FMN1: variants seen among roughly 807,000 people sequenced by gnomAD.
The protein encoded by FMN1 is formin-1.
FMN1 carries 110 observed loss-of-function variants against 132.4 expected under a neutral mutation model. That is an observed-to-expected ratio of 0.83 (90% CI 0.71 to 0.97). FMN1 has a LOEUF of 0.97. FMN1 is among the 50% of genes least tolerant of loss of function. The pLI is 0.00. For missense variants in FMN1, 1,792 were observed against 1,705.3 expected (o/e 1.05, Z -0.90); for synonymous variants, 722 against 651.7 (o/e 1.11, Z -1.64).
At chr15:33,095,679 ATAT>A (rs1256704358) in intron 4 of FMN1, among the ~76,000 whole-genome samples, 1 of 152,160 alleles carries the variant, frequency 6.6e-6, no homozygotes, top group African/African-American at 2.4e-5. Flanking sequence ...GGCCCCAAAA[ATAT>A]TATTGAAGAA....
intron 19 of FMN1, among the ~76,000 whole-genome samples, chr15:32,777,613 C>CAT (rs10672366): frequency 3.9e-3 from 90 of 23,036 alleles, no homozygotes; most frequent in African/African-American, 8.8e-3. Context: ...TTACGTATAA[C>CAT]ATAACACATT....
At chr15:32,945,673 G>A (rs1424492279) in intron 9 of FMN1, among the ~76,000 whole-genome samples, 4 of 152,090 alleles carry the variant, frequency 2.6e-5, no homozygotes, top group Non-Finnish European at 4.4e-5. Context: ...GATAATCATT[G>A]CATTCAAGAT....
intron 16 of FMN1, among the ~76,000 whole-genome samples, chr15:32,879,332 T>C (rs971517897): frequency 2.6e-5 from 4 of 152,350 alleles, no homozygotes; most frequent in Non-Finnish European, 4.4e-5. Flanking sequence ...TCCAGTCTCG[T>C]ACCAGAGCTC....
rs2031553852 is a variant in FMN1 at position 32,969,196 on chromosome 15, G to T, written c.2505C>A (p.Ile835=). The change falls in exon 8 of 21, where the codon ATC becomes ATA. Residue 835 remains isoleucine (I), a synonymous_variant. Transcript: ENST00000616417. ...GGGGTGAGAGCTGGCTTAAAGAGGA[G>T]ATATTCAGCTTTTTGGGTACTAATT... is the stretch of plus-strand genomic sequence containing the variant. ...SNQLVPKKLN[I]SSLSQLSPPN... 1.2e-6 allele frequency: 2 copies of T among 1,613,924 alleles called. No individual in the cohort carries two copies. The highest frequency in any genetic ancestry group is 1.7e-6 in the Non-Finnish European group (2 of 1,179,886).
At chr15:32,926,294 G>T in intron 9 of FMN1, 33 bp from the exon 10 acceptor site, 1 of 1,206,004 alleles carries the variant, frequency 8.3e-7, no homozygotes, top group Non-Finnish European at 1.2e-6. Flanking sequence ...AAGAATACAA[G>T]CTCAAATGAC....
chr15:32,952,387 C>T (rs2061673206), intron 9 of FMN1, among the ~76,000 whole-genome samples: 1 of 152,162 alleles, frequency 6.6e-6, no homozygotes, highest in African/African-American at 2.4e-5. Context: ...AGCAGTATAG[C>T]TTTCAGTTGG....
intron 7 of FMN1, among the ~76,000 whole-genome samples, chr15:32,975,432 A>C (rs950263200): frequency 6.6e-6 from 1 of 152,160 alleles, no homozygotes; most frequent in Admixed American, 6.5e-5. Context: ...GTGAAACTCC[A>C]AAAAAATTTA....
intron 4 of FMN1, chr15:33,150,757 A>C: frequency 1.0e-6 from 1 of 985,834 alleles, no homozygotes; most frequent in Non-Finnish European, 1.2e-6. Context: ...AATCTTAATG[A>C]CATCACTTCA....
At chr15:32,983,026 CACGCACACATAG>C (rs1439110251) in intron 7 of FMN1, among the ~76,000 whole-genome samples, 46 of 152,224 alleles carry the variant, frequency 3.0e-4, no homozygotes, top group African/African-American at 1.1e-3. Flanking sequence ...TTTACGTATA[CACGCACACATAG>C]ACGCACACAT....
chr15:32,871,161 A>T (rs572822690), intron 16 of FMN1, among the ~76,000 whole-genome samples: 1 of 152,304 alleles, frequency 6.6e-6, no homozygotes, highest in African/African-American at 2.4e-5. Flanking sequence ...AACTTCTAAA[A>T]AGTATTAGGA....
chr15:33,046,035 T>C (rs2036665253), intron 6 of FMN1, among the ~76,000 whole-genome samples: 1 of 152,176 alleles, frequency 6.6e-6, no homozygotes, highest in South Asian at 2.1e-4. Context: ...GTTCTTGCCT[T>C]GCTGAAATGG....
chr15:32,893,491 G>A (rs2060082499), intron 15 of FMN1, among the ~76,000 whole-genome samples: 1 of 152,220 alleles, frequency 6.6e-6, no homozygotes, highest in Admixed American at 6.5e-5. Flanking sequence ...GACTCTACAT[G>A]GGTTTCTTTA....
rs1419606296 is a variant in FMN1, at chr15:32,771,566, T to A, written c.*2744A>T. ...AAGAGGAGACAAAGTTGTTTGTAAG[T>A]TAAGGGTTCTTAGAGTTACTACTAA... On this transcript the variant is annotated 3_prime_UTR_variant, in exon 21 of 21. Transcript: ENST00000616417. 1 of 152,206 alleles carries A rather than the reference T, an allele frequency of 6.6e-6. No homozygotes were observed. The highest frequency in any genetic ancestry group is 1.5e-5 in the Non-Finnish European group (1 of 68,046). 9.4% of individuals were successfully genotyped at this position (152,206 alleles called of 1,614,324 possible).
chr15:32,996,852 A>C (rs1480526046), intron 7 of FMN1, among the ~76,000 whole-genome samples: 1 of 152,192 alleles, frequency 6.6e-6, no homozygotes, highest in African/African-American at 2.4e-5. Flanking sequence ...AGGTGGCAGC[A>C]TAGAGAACAC....
chr15:33,122,155 G>A (rs1962622900), intron 4 of FMN1, among the ~76,000 whole-genome samples: 1 of 152,124 alleles, frequency 6.6e-6, no homozygotes. Flanking sequence ...CCTTGTCCAC[G>A]GAATTAAGTG....
chr15:32,785,218 A>ATATATATATATATAT (rs1444523400), intron 19 of FMN1, among the ~76,000 whole-genome samples: 2 of 39,208 alleles, frequency 5.1e-5, no homozygotes, highest in African/African-American at 1.2e-4. Context: ...ATATATATAT[A>ATATATATATATATAT]TTTTTTTTTT....
intron 4 of FMN1, among the ~76,000 whole-genome samples, chr15:33,134,137 T>G (rs1398060048): frequency 1.2e-4 from 18 of 152,106 alleles, no homozygotes; most frequent in Admixed American, 1.0e-3. Context: ...TCTGTAGAGA[T>G]AGGGTTTTGC....
chr15:33,072,344 GTGGGACT>G (rs1480973043), intron 5 of FMN1, among the ~76,000 whole-genome samples: 1 of 152,170 alleles, frequency 6.6e-6, no homozygotes, highest in East Asian at 1.9e-4. Flanking sequence ...AGAGCCTCCT[GTGGGACT>G]TGGGTATGAG....
intron 9 of FMN1, among the ~76,000 whole-genome samples, chr15:32,961,934 G>C (rs1342017411): frequency 6.6e-6 from 1 of 151,922 alleles, no homozygotes; most frequent in Non-Finnish European, 1.5e-5. Flanking sequence ...TTGAGTCCTT[G>C]AGTCACTACT....
Sources: gnomAD v4.1 joint callset for allele counts (sites outside exome capture counted in the v4.1 genomes callset) on GRCh38, gnomAD v4.1.1 for gene constraint, MANE v1.5 for transcripts, NCBI Gene and HGNC (gene_info 2026-07-23, HGNC 2026-07-21) for gene names.